Variants in RNF123 observed in about 807,000 individuals in gnomAD.
RNF123 encodes ring finger protein 123.
Under a neutral mutation model 168.5 loss-of-function variants are expected in RNF123, and 86 were observed. The observed-to-expected ratio is 0.51, with a 90% confidence interval of 0.43 to 0.61. The LOEUF is 0.61. Among genes scored for constraint, RNF123 ranks in the 20% least tolerant of loss-of-function variants. The pLI is 0.00. For synonymous variants in RNF123, 666 were observed against 689.1 expected, an observed-to-expected ratio of 0.97 and a Z score of 0.52; for missense variants, 1,419 against 1,729.7, an observed-to-expected ratio of 0.82 and a Z score of 3.19.
intron 35 of RNF123, 81 bp from the exon 36 acceptor site, chr3:49,720,430 C>A: frequency 7.2e-7 from 1 of 1,394,550 alleles, no homozygotes; most frequent in Non-Finnish European, 9.6e-7. Context: ...CGAGCCATGG[C>A]ACTCCTCATT....
Position 49,706,003 on chromosome 3 carries a change from G to A in RNF123, c.2326G>A (p.Val776Ile), listed in dbSNP as rs150548886. 2 of 1,610,948 alleles carry A rather than the reference G, an allele frequency of 1.2e-6. No homozygotes were observed. The highest frequency in any genetic ancestry group is 2.7e-5 in the African/African-American group (2 of 73,892). ...LGKMVGVSDD[V>I]NEYAMALRDT... is the part of the protein sequence containing the mutation. ...GTAGATGGTGGGTGTCTCCGATGAT[G>A]TCAATGAATACGCTATGGCTCTGAG... The change falls in exon 25 of 39, where the codon GTC (valine) becomes ATC (isoleucine). Residue 776 changes from valine to isoleucine, a missense_variant. Val to Ile is a conservative substitution (Grantham distance 29, BLOSUM62 3). Around this residue, in one of 5 missense-constraint regions of RNF123, gnomAD observed 538 missense variants for 708.8 expected, o/e 0.76. Coordinates refer to ENST00000327697, the MANE Select transcript of RNF123 (RefSeq NM_022064.5).
chr3:49,691,595 C>G lies in RNF123; in HGVS notation c.167+86C>G, dbSNP rs371501091. 245 of 1,050,916 alleles carry G rather than the reference C, an allele frequency of 2.3e-4. 2 individuals carry two copies. In the East Asian group the frequency reaches 5.9e-3, roughly 25 times the overall value. The allele number at this position is 1,050,916 out of a possible 1,614,324, so 65.1% of individuals were successfully genotyped here. A position where few individuals can be genotyped will look rare whatever the true frequency, so the allele number is the denominator to read the frequency against. ...CAGTTGTAGGGAAAGGGAGCCTGGG[C>G]TCTGGACAGATAGGCTTAGGCTCTG... On this transcript the variant is annotated intron_variant, in intron 3 of 38. Coordinates refer to ENST00000327697, the MANE Select transcript of RNF123 (RefSeq NM_022064.5).
At chr3:49,689,908 C>T (rs982900681) in intron 1 of RNF123, 5 of 152,222 alleles carry the variant, frequency 3.3e-5, no homozygotes, top group Non-Finnish European at 7.3e-5. Context: ...ACAAGGTCCG[C>T]CTCTCACCTG....
At chr3:49,703,359 G>A in intron 20 of RNF123, 68 bp from the exon 21 acceptor site, 1 of 1,283,052 alleles carries the variant, frequency 7.8e-7, no homozygotes, top group Non-Finnish European at 1.1e-6. Context: ...AGATTGGAGG[G>A]GAGGGCTGTG....
In RNF123 at chr3:49,702,085, G is replaced by A. The variant is rs765330359; in HGVS notation, c.1498G>A (p.Val500Met). The A allele has an allele frequency of 2.5e-6, 4 of 1,614,038 alleles. No homozygotes were observed. The highest frequency in any genetic ancestry group is 3.4e-6 in the Non-Finnish European group (4 of 1,179,950). The change falls in exon 18 of 39, where the codon GTG becomes ATG. Residue 500 changes from valine to methionine, a missense_variant and splice_region_variant. Transcript: ENST00000327697. Reference protein sequence around the residue: ...CQRLRKRIEVVEELQVQILKL... With the variant: ...CQRLRKRIEVMEELQVQILKL... ...CATGTTCCTCACCTGACCTCCAGTG[G>A]TGGAAGAACTACAGGTCCAGATCCT... is the stretch of plus-strand genomic sequence containing the variant.
At chr3:49,719,303 C>A in intron 35 of RNF123, 1 of 1,613,120 alleles carries the variant, frequency 6.2e-7, no homozygotes, top group Middle Eastern at 1.7e-4. Flanking sequence ...TCGGCTGGCA[C>A]GTCCTGCAGC....
chr3:49,691,200 G>GC lies in RNF123; in HGVS notation c.36dup (p.Lys13GlnfsTer4), dbSNP rs1263809244. 14 of 1,613,784 alleles carry GC rather than the reference G, an allele frequency of 8.7e-6. No individual in the cohort carries two copies. Among genetic ancestry groups the GC allele is most frequent in the Non-Finnish European group, 1.2e-5 (14 of 1,179,832 alleles). ...AAGGGGGCCGGCATGTCTTTCTCCC[G>GC]CAAGAGCTATAGGCTGACCTCAGAT... On this transcript the variant is annotated frameshift_variant, in exon 2 of 39. Coordinates refer to ENST00000327697, the MANE Select transcript of RNF123 (RefSeq NM_022064.5). LOFTEE classifies it high-confidence loss of function.
intron 35 of RNF123, chr3:49,719,526 C>T: frequency 5.0e-6 from 7 of 1,392,038 alleles, no homozygotes; most frequent in Non-Finnish European, 6.9e-6. Flanking sequence ...CCAGGACTCA[C>T]CCTCTTCTGC....
chr3:49,719,112 AGAT>A lies in RNF123; in HGVS notation c.3501-1395_3501-1393del, dbSNP rs1323846291. On this transcript the variant is annotated intron_variant, in intron 35 of 38. Coordinates refer to ENST00000327697, the MANE Select transcript of RNF123 (RefSeq NM_022064.5). ...GGCGGCCAAGCGCCCGCAACGTGTT[AGAT>A]GATAGATCGAGCAGCCTCAGGCCGC... is the stretch of plus-strand genomic sequence containing the variant. The A allele has an allele frequency of 2.5e-6, 4 of 1,613,434 alleles. No homozygotes were observed. In the African/African-American group the frequency reaches 4.0e-5, roughly 16 times the overall value.
Position 49,704,762 on chromosome 3 carries a change from G to T in RNF123, c.1959+6G>T, listed in dbSNP as rs374766777. ...CAGCCCCAGCTATGGCCCAGGTGCC[G>T]CAGTGGGGGCAGGCGGTGGGATTTG... is the stretch of plus-strand genomic sequence containing the variant. On this transcript the variant is annotated splice_donor_region_variant and intron_variant, in intron 22 of 38. Coordinates refer to ENST00000327697, the MANE Select transcript of RNF123 (RefSeq NM_022064.5). The T allele has an allele frequency of 1.6e-5, 25 of 1,565,656 alleles. No individual in the cohort carries two copies. In the East Asian group the frequency reaches 4.1e-4, roughly 26 times the overall value.
intron 35 of RNF123, chr3:49,718,379 G>A: frequency 6.2e-7 from 1 of 1,613,382 alleles, no homozygotes; most frequent in Non-Finnish European, 8.5e-7. Flanking sequence ...TCGTGCGTCT[G>A]GTTGTGGTGC....
chr3:49,720,368 T>G (rs1575290400), intron 35 of RNF123, 143 bp from the exon 36 acceptor site: 1 of 755,020 alleles, frequency 1.3e-6, no homozygotes, highest in Non-Finnish European at 1.9e-6. Flanking sequence ...ATACAGGACT[T>G]GGGGTTTGGG....
chr3:49,694,403 A>T (rs1437272059), intron 3 of RNF123, among the ~76,000 whole-genome samples: 1 of 152,134 alleles, frequency 6.6e-6, no homozygotes, highest in African/African-American at 2.4e-5. Context: ...CCCATTATCA[A>T]TTTATCTTAC....
Position 49,713,776 on chromosome 3 carries a change from G to A in RNF123, c.2788G>A (p.Val930Met), listed in dbSNP as rs751148620. The change falls in exon 29 of 39, where the codon GTG becomes ATG. Residue 930 changes from valine to methionine, a missense_variant. Transcript: ENST00000327697. ...DSLMQALASY[V>M]CYPHSLRAVE... ...ACTGATGCAGGCCCTGGCCAGCTACGTGTGCTACCCACACTCCCTGCGGGC... is the reference window on the plus strand; with the variant it reads ...ACTGATGCAGGCCCTGGCCAGCTACATGTGCTACCCACACTCCCTGCGGGC... 9.9e-6 allele frequency: 16 copies of A among 1,610,982 alleles called. No homozygotes were observed. Among genetic ancestry groups the A allele is most frequent in the Admixed American group, 1.7e-5 (1 of 59,726 alleles).
chr3:49,702,326 T>C lies in RNF123; in HGVS notation c.1558-8T>C. 1 of 1,614,098 alleles carries C rather than the reference T, an allele frequency of 6.2e-7. No individual in the cohort carries two copies. Among genetic ancestry groups the C allele is most frequent in the Non-Finnish European group, 8.5e-7 (1 of 1,179,928 alleles). ...CTCAGCACAGCCTCACTTTTCCCTC[T>C]CTCAAAGGGTGAAGCTTCTAGGTAT... On this transcript the variant is annotated splice_region_variant and splice_polypyrimidine_tract_variant and intron_variant, in intron 18 of 38. Coordinates refer to ENST00000327697, the MANE Select transcript of RNF123 (RefSeq NM_022064.5).
chr3:49,703,655 T>A, intron 21 of RNF123, 127 bp downstream of exon 21: 1 of 686,446 alleles, frequency 1.5e-6, no homozygotes, highest in Non-Finnish European at 2.5e-6. Context: ...TTCCACCCAC[T>A]CAGGCAGGGA....
chr3:49,697,307 C>T, intron 4 of RNF123, 56 bp from the exon 5 acceptor site: 1 of 1,586,978 alleles, frequency 6.3e-7, no homozygotes, highest in East Asian at 2.2e-5. Context: ...CTCAGGACAC[C>T]CTATGCATCC....
At position 49,701,818 on chromosome 3, in the gene RNF123, A is replaced by G. The variant is rs570114562; in HGVS notation, c.1403A>G (p.Glu468Gly). 6.2e-5 allele frequency: 98 copies of G among 1,571,834 alleles called. No homozygotes were observed. The African/African-American group carries it at 1.3e-3, about 20-fold the overall frequency. The change falls in exon 17 of 39, where the codon GAG becomes GGG. Residue 468 changes from glutamate to glycine, a missense_variant. This residue lies in a region of RNF123 where 349 missense variants were observed against 344.9 expected (regional missense o/e 1.01). Coordinates refer to ENST00000327697, the MANE Select transcript of RNF123 (RefSeq NM_022064.5). Reference protein sequence around the residue: ...WPHCSSREGKESTEMKEETAE... With the variant: ...WPHCSSREGKGSTEMKEETAE... ...CCTGCTACCCCTGCCTAGGGCAAAG[A>G]GAGCACGGAGATGAAGGAGGAGACC...
Position 49,698,793 on chromosome 3 carries a change from C to A in RNF123, c.609C>A (p.Asp203Glu). 1 of 1,613,996 alleles carries A rather than the reference C, an allele frequency of 6.2e-7. No individual in the cohort carries two copies. The highest frequency in any genetic ancestry group is 8.5e-7 in the Non-Finnish European group (1 of 1,180,006). ...GGGACATCGTGAGCTGCCTGATTGA[C>A]CTGGATGATGGCACTCTGTCCTTCT... ...AAGDIVSCLI[D>E]LDDGTLSFCL... Residue 203 changes from aspartate to glutamate, a missense_variant, in exon 9 of 39, where the codon GAC (aspartate) becomes GAA (glutamate). Physicochemically the swap from Asp to Glu is conservative, Grantham distance 45 (BLOSUM62 2). This residue lies in a region of RNF123 where 318 missense variants were observed against 446.6 expected (regional missense o/e 0.71). Transcript: ENST00000327697.
Sources: allele counts gnomAD v4.1 joint callset (sites outside exome capture counted in the v4.1 genomes callset), GRCh38; gene constraint gnomAD v4.1.1; regional missense constraint gnomAD v4.1.1; transcripts MANE v1.5; gene names NCBI Gene and HGNC (gene_info 2026-07-23, HGNC 2026-07-21).